The following UHRF1 variants were observed in gnomAD, a reference collection of about 807,000 sequenced individuals.
UHRF1 encodes ubiquitin like with PHD and ring finger domains 1.
UHRF1 carries 9 observed loss-of-function variants against 96.5 expected under a neutral mutation model. That is an observed-to-expected ratio of 0.09 (90% CI 0.06 to 0.16). UHRF1 has a LOEUF of 0.16. Ranked by LOEUF, UHRF1 falls within the 10% of genes least tolerant of loss-of-function variation. UHRF1 has a pLI of 1.00. For missense variants in UHRF1, 626 were observed against 1,131.1 expected (o/e 0.55, Z 6.40); for synonymous variants, 455 against 469.9 (o/e 0.97, Z 0.41).
intron 13 of UHRF1, among the ~76,000 whole-genome samples, chr19:4,953,277 T>C (rs749566039): frequency 4.6e-5 from 7 of 152,212 alleles, no homozygotes; most frequent in Admixed American, 2.0e-4. Context: ...TCGAAGGTCC[T>C]CAGCACATGC....
rs145127160 is a variant in UHRF1 at position 4,941,899 on chromosome 19, G to A, written c.1041G>A (p.Pro347=). 2.0e-5 allele frequency: 30 copies of A among 1,535,988 alleles called. No homozygotes were observed. Among genetic ancestry groups the A allele is most frequent in the East Asian group, 1.9e-4 (8 of 43,220 alleles). ...CCTTCCACATCTACTGCCTGGACCCGCCCCTCAGCAGTGTTCCCAGCGAGG... is the reference window on the plus strand; with the variant it reads ...CCTTCCACATCTACTGCCTGGACCCACCCCTCAGCAGTGTTCCCAGCGAGG... ...DMAFHIYCLD[P]PLSSVPSEDE... Residue 347 remains proline, a synonymous_variant, in exon 7 of 17, where the codon CCG becomes CCA. Transcript: ENST00000650932.
intron 5 of UHRF1, among the ~76,000 whole-genome samples, chr19:4,939,810 G>A (rs2033330010): frequency 6.6e-6 from 1 of 152,272 alleles, no homozygotes; most frequent in East Asian, 1.9e-4. Flanking sequence ...GGATCACAAG[G>A]TCAGGAGATC....
intron 7 of UHRF1, among the ~76,000 whole-genome samples, chr19:4,942,315 C>T (rs572213719): frequency 1.3e-5 from 2 of 152,054 alleles, no homozygotes; most frequent in Non-Finnish European, 2.9e-5. Flanking sequence ...CTCAGCCTCC[C>T]GAGTAGCTGG....
intron 2 of UHRF1, among the ~76,000 whole-genome samples, chr19:4,912,843 T>C (rs986262284): frequency 1.3e-5 from 2 of 152,160 alleles, no homozygotes; most frequent in Non-Finnish European, 2.9e-5. Flanking sequence ...CACTATAGCC[T>C]CAGCTTCCTG....
Position 4,954,310 on chromosome 19 carries a change from C to T in UHRF1, c.1819-40C>T. ...GAGCGGGCTCTGCATAGCGTGTGGG[C>T]CCCAAGCCTGACTCACGGCTGTCCC... On this transcript the variant is annotated intron_variant, in intron 13 of 16. Transcript: ENST00000650932. This position sits in a 1 kb window ranked among gnomAD's most constrained non-coding sequence, Gnocchi z 5.9. 4 of 1,602,424 alleles carry T rather than the reference C, an allele frequency of 2.5e-6. No individual in the cohort carries two copies. Among genetic ancestry groups the T allele is most frequent in the Non-Finnish European group, 3.4e-6 (4 of 1,175,734 alleles).
At chr19:4,903,998 G>C (rs778324223) in intron 1 of UHRF1, among the ~76,000 whole-genome samples, 1 of 150,712 alleles carries the variant, frequency 6.6e-6, no homozygotes, top group Non-Finnish European at 1.5e-5. Context: ...TTTTTTTGAG[G>C]TGGAATCTCA....
chr19:4,909,209 G>T, upstream of UHRF1: 1 of 470,142 alleles, frequency 2.1e-6, no homozygotes, highest in South Asian at 3.1e-5. Context: ...AGAGTTCAGG[G>T]GGTCTGTACC....
intron 2 of UHRF1, among the ~76,000 whole-genome samples, chr19:4,917,762 ATCC>A (rs1217387712): frequency 6.6e-6 from 1 of 151,550 alleles, no homozygotes; most frequent in Non-Finnish European, 1.5e-5. Context: ...GGCTCAAGCA[ATCC>A]TCCTACTTCA....
chr19:4,953,317 GTATAATT>G (rs2145209626), intron 13 of UHRF1, among the ~76,000 whole-genome samples: 1 of 152,286 alleles, frequency 6.6e-6, no homozygotes, highest in South Asian at 2.1e-4. Flanking sequence ...AACCGTTGAT[GTATAATT>G]TTTTTTCCAT....
intron 2 of UHRF1, among the ~76,000 whole-genome samples, chr19:4,913,357 G>C (rs1361527999): frequency 6.8e-6 from 1 of 146,036 alleles, no homozygotes; most frequent in African/African-American, 2.6e-5. Context: ...AAGTTCAAGC[G>C]ATCCTCCTGC....
chr19:4,932,663 C>G, intron 4 of UHRF1, 78 bp from the exon 5 acceptor site: 1 of 1,524,052 alleles, frequency 6.6e-7, no homozygotes, highest in Non-Finnish European at 9.0e-7. Context: ...GAGGGGCCGT[C>G]CCACCTCGGC....
Position 4,955,542 on chromosome 19 carries a change from C to A in UHRF1, c.2130+720C>A, listed in dbSNP as rs185478682. Among the ~76,000 whole-genome samples the A allele has an allele frequency of 5.9e-4, 90 of 152,142 alleles. 1 individual carries two copies. Among genetic ancestry groups the A allele is most frequent in the African/African-American group, 2.0e-3 (84 of 41,508 alleles). On this transcript the variant is annotated intron_variant, in intron 15 of 16. Transcript: ENST00000650932. ...TGGATGGTGACGTCTCAGGATGGTGCAGGTCTCAGGATTCAGCTGTGGCCG... is the reference window on the plus strand; with the variant it reads ...TGGATGGTGACGTCTCAGGATGGTGAAGGTCTCAGGATTCAGCTGTGGCCG...
rs192790138 is a variant in UHRF1, at chr19:4,949,050, T to C, written c.1518-1561T>C. 6.3e-3 allele frequency among the ~76,000 whole-genome samples: 934 copies of C among 147,484 alleles called. 4 individuals carry two copies. Among genetic ancestry groups the C allele is most frequent in the Non-Finnish European group, 0.01 (673 of 67,186 alleles). On this transcript the variant is annotated intron_variant, in intron 11 of 16. Transcript: ENST00000650932. ...CTCGGGAGGCTGAGGCAGGAGAATG[T>C]CATGAACCTGGGAGGCGGAGCTTGC... is the stretch of plus-strand genomic sequence containing the variant.
Position 4,954,411 on chromosome 19 carries a change from GGGA to G in UHRF1, c.1891_1893del (p.Glu631del), listed in dbSNP as rs764159628. 3.1e-6 allele frequency: 5 copies of G among 1,613,550 alleles called. No individual in the cohort carries two copies. The highest frequency in any genetic ancestry group is 8.5e-7 in the Non-Finnish European group (1 of 1,179,590). Reference sequence around the variant, plus strand: ...GAGCGAGAGAAGGAGAACAGCAAGAGGGAGGAGGAGGAGCAGCAGGAGGGGGGC... The same window carrying G: ...GAGCGAGAGAAGGAGAACAGCAAGAGGGAGGAGGAGCAGCAGGAGGGGGGC... On this transcript the variant is annotated inframe_deletion, in exon 14 of 17. Coordinates refer to ENST00000650932, the MANE Select transcript of UHRF1 (RefSeq NM_001048201.3). This position sits in a 1 kb window ranked among gnomAD's most constrained non-coding sequence, Gnocchi z 5.9.
chr19:4,913,363 C>A (rs1476128882), intron 2 of UHRF1, among the ~76,000 whole-genome samples: 7 of 151,060 alleles, frequency 4.6e-5, no homozygotes, highest in Non-Finnish European at 2.9e-5. Flanking sequence ...AAGCGATCCT[C>A]CTGCCTTAGC....
chr19:4,929,299 C>T lies in UHRF1; in HGVS notation c.231C>T (p.Leu77=), dbSNP rs1265805323. 15 of 1,613,770 alleles carry T rather than the reference C, an allele frequency of 9.3e-6. No individual in the cohort carries two copies. Among genetic ancestry groups the T allele is most frequent in the Admixed American group, 1.7e-5 (1 of 60,000 alleles). ...TCCAGCTCCTGGTCCGCCAGAGCCT[C>T]GTGCTCCCCCACAGCACCAAGGAGC... is the stretch of plus-strand genomic sequence containing the variant. ...DTIQLLVRQS[L]VLPHSTKERD... The change falls in exon 3 of 17, where the codon CTC becomes CTT. Residue 77 remains leucine (L), a synonymous_variant. Transcript: ENST00000650932.
chr19:4,917,564 G>T (rs2032563000), intron 2 of UHRF1, among the ~76,000 whole-genome samples: 1 of 140,692 alleles, frequency 7.1e-6, no homozygotes, highest in African/African-American at 2.7e-5. Flanking sequence ...TGACGCAGGA[G>T]AATTGCTGGA....
At position 4,933,188 on chromosome 19, in the gene UHRF1, C is replaced by T. The variant is rs960272955; in HGVS notation, c.785+232C>T. Among the ~76,000 whole-genome samples, 5 of 152,196 alleles carry T rather than the reference C, an allele frequency of 3.3e-5. No homozygotes were observed. In the East Asian group the frequency reaches 7.7e-4, roughly 23 times the overall value. On this transcript the variant is annotated intron_variant, in intron 5 of 16. Transcript: ENST00000650932. ...TCTGCCCAGGGAACTGTCTCTGACC[C>T]CCAGGCCCTGACAGGCAGAGTTGTC...
At chr19:4,922,025 G>A (rs758998322) in intron 2 of UHRF1, among the ~76,000 whole-genome samples, 13 of 152,016 alleles carry the variant, frequency 8.6e-5, no homozygotes, top group South Asian at 2.1e-4. Flanking sequence ...GTGAGATTTC[G>A]GCTCACTGCC....
Sources: gnomAD v4.1 joint callset for allele counts (sites outside exome capture counted in the v4.1 genomes callset) on GRCh38, gnomAD v4.1.1 for gene constraint, Gnocchi (gnomAD v3.1) non-coding constraint, MANE v1.5 for transcripts, NCBI Gene and HGNC (gene_info 2026-07-23, HGNC 2026-07-21) for gene names.